The following ERICH3 variants were observed in gnomAD, a reference collection of about 807,000 sequenced individuals.
ERICH3 encodes glutamate rich 3.
Under a neutral mutation model 131.1 loss-of-function variants are expected in ERICH3, and 126 were observed. The ratio of observed to expected loss-of-function variants is 0.96; its 90% confidence interval spans 0.83 to 1.11. The LOEUF is 1.11. Ranked by LOEUF, ERICH3 falls within the 50% of genes most tolerant of loss-of-function variation. The probability of loss-of-function intolerance (pLI) is 0.00; values close to 1 mark genes in which losing one functional copy is unlikely to be tolerated. For synonymous variants in ERICH3, 695 were observed against 644.6 expected, an observed-to-expected ratio of 1.08 and a Z score of -1.18; for missense variants, 2,050 against 1,810.7, an observed-to-expected ratio of 1.13 and a Z score of -2.40.
intron 4 of ERICH3, among the ~76,000 whole-genome samples, chr1:74,641,913 A>G (rs1304489454): frequency 1.3e-5 from 2 of 152,200 alleles, no homozygotes; most frequent in Non-Finnish European, 2.9e-5. Context: ...AAGAGGCACA[A>G]GGGTAGCAAA....
intron 11 of ERICH3, among the ~76,000 whole-genome samples, chr1:74,594,407 C>A (rs1557674688): frequency 1.3e-5 from 2 of 151,892 alleles, no homozygotes; most frequent in Non-Finnish European, 2.9e-5. Flanking sequence ...AAGTCAACAC[C>A]AGTCCAGCAA....
In ERICH3 at chr1:74,573,200, C is replaced by T. The variant is rs753189414; in HGVS notation, c.2510G>A (p.Arg837Lys). The change falls in exon 14 of 15, where the codon AGG (arginine) becomes AAG (lysine). Residue 837 changes from arginine to lysine, a missense_variant. Transcript: ENST00000326665. ...EKREIPPGIE[R>K]GAEGAAEAEG... is the part of the protein sequence containing the mutation. ...TGCTTCTGCTGCTCCCTCTGCCCCCCTTTCTATGCCTGGAGGGATCTCCCT... is the reference window on the plus strand; with the variant it reads ...TGCTTCTGCTGCTCCCTCTGCCCCCTTTTCTATGCCTGGAGGGATCTCCCT... The T allele has an allele frequency of 1.2e-6, 2 of 1,612,662 alleles. No homozygotes were observed. Among genetic ancestry groups the T allele is most frequent in the Admixed American group, 1.7e-5 (1 of 59,904 alleles).
Position 74,596,476 on chromosome 1 carries a change from C to T in ERICH3, c.1726+3219G>A, listed in dbSNP as rs368190491. On this transcript the variant is annotated intron_variant, in intron 11 of 14. Coordinates refer to ENST00000326665, the MANE Select transcript of ERICH3 (RefSeq NM_001002912.5). ...TTAAGCATTCATCATTTCTTTGTGGCGACAATATTCAAAATCTTCTCTTCT... is the reference window on the plus strand; with the variant it reads ...TTAAGCATTCATCATTTCTTTGTGGTGACAATATTCAAAATCTTCTCTTCT... Among the ~76,000 whole-genome samples the T allele has an allele frequency of 4.6e-5, 7 of 151,996 alleles. No homozygotes were observed. In the East Asian group the frequency reaches 1.2e-3, roughly 25 times the overall value.
rs368194652 is a variant in ERICH3 at position 74,673,555 on chromosome 1, C to A, written c.-36G>T. On this transcript the variant is annotated 5_prime_UTR_variant, in exon 1 of 15. Transcript: ENST00000326665. Reference sequence around the variant, plus strand: ...TCCCTTTTGGACCCCGCGGCAGGTGCGGAGGGTGGGTGCGTGGGGCCCCGT... The same window carrying A: ...TCCCTTTTGGACCCCGCGGCAGGTGAGGAGGGTGGGTGCGTGGGGCCCCGT... 3.9e-5 allele frequency: 62 copies of A among 1,607,362 alleles called. No homozygotes were observed. In the East Asian group the frequency reaches 1.4e-3, roughly 35 times the overall value.
intron 5 of ERICH3, among the ~76,000 whole-genome samples, chr1:74,637,580 G>C (rs777192894): frequency 1.3e-5 from 2 of 152,144 alleles, no homozygotes; most frequent in Non-Finnish European, 2.9e-5. Context: ...TAGTGCATTA[G>C]AAGTGCTTTT....
intron 12 of ERICH3, among the ~76,000 whole-genome samples, chr1:74,578,962 A>G (rs1647127806): frequency 6.6e-6 from 1 of 152,210 alleles, no homozygotes; most frequent in African/African-American, 2.4e-5. Flanking sequence ...TAGTTCAAAT[A>G]TATTCTCTTT....
At chr1:74,605,687 A>C (rs1176113182) in intron 10 of ERICH3, among the ~76,000 whole-genome samples, 1 of 151,624 alleles carries the variant, frequency 6.6e-6, no homozygotes, top group Non-Finnish European at 1.5e-5. Context: ...AAATTGATTA[A>C]CTTCACTTTC....
At chr1:74,617,568 C>T (rs1268414495) in intron 8 of ERICH3, among the ~76,000 whole-genome samples, 1 of 152,130 alleles carries the variant, frequency 6.6e-6, no homozygotes, top group Non-Finnish European at 1.5e-5. Context: ...AAAAACATTA[C>T]GCTAAGTGAG....
chr1:74,576,958 A>G (rs1247233830), intron 12 of ERICH3, 22 bp from the exon 13 acceptor site: 5 of 1,565,398 alleles, frequency 3.2e-6, no homozygotes, highest in East Asian at 2.3e-5. Flanking sequence ...AAAAAAAAAG[A>G]AAAAAAAGGT....
chr1:74,595,294 G>T (rs1403483654), intron 11 of ERICH3, among the ~76,000 whole-genome samples: 1 of 152,080 alleles, frequency 6.6e-6, no homozygotes, highest in African/African-American at 2.4e-5. Context: ...GTTGTAGGAT[G>T]AATCTGTGCT....
chr1:74,668,101 C>CT (rs557322627), intron 1 of ERICH3, among the ~76,000 whole-genome samples: 26 of 152,082 alleles, frequency 1.7e-4, no homozygotes, highest in Non-Finnish European at 3.2e-4. Context: ...TCAATTAAAC[C>CT]TTTTTTCTTT....
At chr1:74,643,499 A>G (rs1314957449) in intron 3 of ERICH3, among the ~76,000 whole-genome samples, 1 of 152,122 alleles carries the variant, frequency 6.6e-6, no homozygotes, top group Non-Finnish European at 1.5e-5. Flanking sequence ...CATCCATATG[A>G]TGGAATAAAA....
chr1:74,667,447 G>A (rs919464755), intron 1 of ERICH3, among the ~76,000 whole-genome samples: 3 of 152,148 alleles, frequency 2.0e-5, no homozygotes, highest in South Asian at 2.1e-4. Context: ...CAATAATTCA[G>A]TCTGCACACC....
intron 9 of ERICH3, among the ~76,000 whole-genome samples, chr1:74,610,262 C>T (rs1282703944): frequency 6.6e-6 from 1 of 151,598 alleles, no homozygotes; most frequent in Non-Finnish European, 1.5e-5. Flanking sequence ...TCTCTGAAAA[C>T]ACCCAATGCC....
chr1:74,572,066 GC>G lies in ERICH3; in HGVS notation c.3643del (p.Ala1215ProfsTer2), dbSNP rs753220906. On this transcript the variant is annotated frameshift_variant, in exon 14 of 15. Transcript: ENST00000326665. LOFTEE classifies it high-confidence loss of function. ...KEGHRQDGEG[A>X]LAAPEAEPAG... is the part of the protein sequence containing the mutation. ...TGGCTCAGCTTCAGGAGCTGCTAAG[GC>G]CCCCTCTCCATCTTGGCGGTGCCCT... 1 of 1,614,166 alleles carries G rather than the reference GC, an allele frequency of 6.2e-7. No homozygotes were observed.
intron 13 of ERICH3, among the ~76,000 whole-genome samples, chr1:74,573,927 T>C (rs1439142558): frequency 6.6e-6 from 1 of 151,624 alleles, no homozygotes; most frequent in East Asian, 1.9e-4. Context: ...TGGAAAAAAT[T>C]ATGCAATAAG....
intron 9 of ERICH3, among the ~76,000 whole-genome samples, chr1:74,608,268 T>C (rs1254164211): frequency 6.6e-6 from 1 of 152,012 alleles, no homozygotes; most frequent in Non-Finnish European, 1.5e-5. Flanking sequence ...TGGCAAGACC[T>C]GGATAAAATC....
intron 8 of ERICH3, 126 bp downstream of exon 8, chr1:74,620,608 G>A: frequency 1.3e-6 from 1 of 775,408 alleles, no homozygotes; most frequent in East Asian, 3.0e-5. Flanking sequence ...TAGGCAGCTG[G>A]TTTATAAGTC....
At chr1:74,579,330 T>C (rs1270545813) in intron 12 of ERICH3, 1 of 852,004 alleles carries the variant, frequency 1.2e-6, no homozygotes, top group Non-Finnish European at 1.4e-6. Flanking sequence ...CAATAAGCAA[T>C]TAGCAGGTAC....
Sources: gnomAD v4.1 joint callset for allele counts (sites outside exome capture counted in the v4.1 genomes callset) on GRCh38, gnomAD v4.1.1 for gene constraint, MANE v1.5 for transcripts, NCBI Gene and HGNC (gene_info 2026-07-23, HGNC 2026-07-21) for gene names.